The following FILIP1 variants were observed in gnomAD, a reference collection of about 807,000 sequenced individuals.
FILIP1 encodes filamin-A-interacting protein 1.
FILIP1 carries 61 observed loss-of-function variants against 102.1 expected under a neutral mutation model. That is an observed-to-expected ratio of 0.60 (90% CI 0.49 to 0.74). The LOEUF is 0.74. Among genes scored for constraint, FILIP1 ranks in the 30% least tolerant of loss-of-function variants. FILIP1 has a pLI of 0.00. For missense variants in FILIP1, 1,314 were observed against 1,441.2 expected (o/e 0.91, Z 1.43); for synonymous variants, 491 against 526.9 (o/e 0.93, Z 0.93).
intron 1 of FILIP1, among the ~76,000 whole-genome samples, chr6:75,419,492 T>C (rs1777381113): frequency 2.0e-5 from 3 of 152,122 alleles, no homozygotes; most frequent in Non-Finnish European, 4.4e-5. Flanking sequence ...TTTAAAATTA[T>C]AGAATTATGA....
chr6:75,441,555 G>A (rs1489547087), intron 1 of FILIP1, among the ~76,000 whole-genome samples: 2 of 151,530 alleles, frequency 1.3e-5, no homozygotes, highest in African/African-American at 4.8e-5. Context: ...CAGTAGGGGC[G>A]GCCGGGCAGA....
At chr6:75,308,079 TG>T (rs1773045928), downstream of FILIP1, 1 of 985,842 alleles carries the variant, frequency 1.0e-6, no homozygotes, top group African/African-American at 1.7e-5. Flanking sequence ...AGTAAAACTC[TG>T]TTCTTAGGAT....
chr6:75,450,375 G>A (rs2149734185), intron 1 of FILIP1, among the ~76,000 whole-genome samples: 1 of 152,266 alleles, frequency 6.6e-6, no homozygotes, highest in South Asian at 2.1e-4. Flanking sequence ...GAGGCCAAGT[G>A]AAGTGTCTCG....
At chr6:75,437,920 CGTTAT>C (rs1174481980) in intron 1 of FILIP1, among the ~76,000 whole-genome samples, 1 of 152,048 alleles carries the variant, frequency 6.6e-6, no homozygotes, top group Non-Finnish European at 1.5e-5. Context: ...CATAGGAGTA[CGTTAT>C]AAGATTTCAT....
chr6:75,469,167 T>C (rs1231151700), intron 1 of FILIP1, among the ~76,000 whole-genome samples: 1 of 152,008 alleles, frequency 6.6e-6, no homozygotes, highest in Non-Finnish European at 1.5e-5. Context: ...AGTAACAATG[T>C]AGAATAAACT....
intron 2 of FILIP1, among the ~76,000 whole-genome samples, chr6:75,407,196 C>T (rs1776888610): frequency 6.6e-6 from 1 of 152,056 alleles, no homozygotes; most frequent in Non-Finnish European, 1.5e-5. Flanking sequence ...AAGTTTCTAA[C>T]AATCCACAGA....
chr6:75,408,070 G>T (rs79049128), intron 2 of FILIP1, among the ~76,000 whole-genome samples: 1 of 152,130 alleles, frequency 6.6e-6, no homozygotes, highest in Admixed American at 6.6e-5. Flanking sequence ...ATGATGGGCC[G>T]GGGTACTATT....
intron 4 of FILIP1, among the ~76,000 whole-genome samples, chr6:75,329,689 T>G (rs1394819856): frequency 6.6e-6 from 1 of 152,186 alleles, no homozygotes; most frequent in East Asian, 1.9e-4. Context: ...GAGTACAGTA[T>G]AGAGCTAAGC....
chr6:75,450,586 CT>C (rs1462820583), intron 1 of FILIP1, among the ~76,000 whole-genome samples: 6 of 149,814 alleles, frequency 4.0e-5, no homozygotes, highest in African/African-American at 1.5e-4. Flanking sequence ...GAGTTTCAGG[CT>C]GCAGTGAAAT....
intron 2 of FILIP1, among the ~76,000 whole-genome samples, chr6:75,385,310 T>C (rs1485354718): frequency 6.6e-6 from 1 of 152,170 alleles, no homozygotes; most frequent in Non-Finnish European, 1.5e-5. Flanking sequence ...TTTTAAAACA[T>C]GAAATGAGCA....
chr6:75,363,786 T>C (rs1207992151), intron 2 of FILIP1, among the ~76,000 whole-genome samples: 1 of 152,190 alleles, frequency 6.6e-6, no homozygotes, highest in Non-Finnish European at 1.5e-5. Flanking sequence ...TTGGAGCTAT[T>C]TTTCCAGTAA....
At chr6:75,381,522 C>G (rs1304453532) in intron 2 of FILIP1, among the ~76,000 whole-genome samples, 1 of 151,830 alleles carries the variant, frequency 6.6e-6, no homozygotes, top group Non-Finnish European at 1.5e-5. Flanking sequence ...GTCACCATGT[C>G]TGGCCTACAA....
At chr6:75,413,633 T>A (rs1389961868) in intron 2 of FILIP1, among the ~76,000 whole-genome samples, 1 of 152,022 alleles carries the variant, frequency 6.6e-6, no homozygotes, top group Non-Finnish European at 1.5e-5. Context: ...ACAGCACCCA[T>A]AAGCCAACAA....
At chr6:75,486,397 G>A (rs1325386662) in intron 1 of FILIP1, among the ~76,000 whole-genome samples, 2 of 152,138 alleles carry the variant, frequency 1.3e-5, no homozygotes, top group Non-Finnish European at 2.9e-5. Context: ...TGAAGCTTCT[G>A]ATTCCACTTT....
At chr6:75,372,669 G>GAA (rs1268790231) in intron 2 of FILIP1, among the ~76,000 whole-genome samples, 1 of 57,082 alleles carries the variant, frequency 1.8e-5, no homozygotes, top group Non-Finnish European at 3.3e-5. Flanking sequence ...AAGAAAGAAA[G>GAA]AAAGAAAGAA....
At chr6:75,456,546 G>A (rs2998364) in intron 1 of FILIP1, among the ~76,000 whole-genome samples, 104,328 of 150,758 alleles carry the variant, frequency 0.69, 36,921 homozygotes, top group African/African-American at 0.84. Flanking sequence ...TCATACAAAA[G>A]AGTATTCTTT....
At chr6:75,487,695 C>T (rs1779833242) in intron 1 of FILIP1, among the ~76,000 whole-genome samples, 1 of 151,704 alleles carries the variant, frequency 6.6e-6, no homozygotes, top group Non-Finnish European at 1.5e-5. Flanking sequence ...AAATCTTCAG[C>T]CAATTATTTT....
In FILIP1 at chr6:75,353,708, G is replaced by C. The variant is rs375660630; in HGVS notation, c.460C>G (p.Leu154Val). 6.2e-7 allele frequency: 1 copy of C among 1,613,378 alleles called. No homozygotes were observed. The highest frequency in any genetic ancestry group is 8.5e-7 in the Non-Finnish European group (1 of 1,180,010). The change falls in exon 4 of 6, where the codon CTT becomes GTT. Residue 154 changes from leucine to valine, a missense_variant. Around this residue, in one of 3 missense-constraint regions of FILIP1, gnomAD observed 494 missense variants for 511.2 expected, o/e 0.97. Transcript: ENST00000237172. Reference protein sequence around the residue: ...YEKPISELDRLEEKQKETYRR... With the variant: ...YEKPISELDRVEEKQKETYRR... ...TAGGTTTCTTTCTGTTTTTCCTCAA[G>C]TCTGTCCAGCTGAATAAGCAAACAT...
chr6:75,438,644 A>G (rs1778103497), intron 1 of FILIP1, among the ~76,000 whole-genome samples: 1 of 152,170 alleles, frequency 6.6e-6, no homozygotes, highest in African/African-American at 2.4e-5. Flanking sequence ...TAAAAAAAAA[A>G]GGCAGCATAT....
Sources: allele counts gnomAD v4.1 joint callset (sites outside exome capture counted in the v4.1 genomes callset), GRCh38; gene constraint gnomAD v4.1.1; regional missense constraint gnomAD v4.1.1; transcripts MANE v1.5; gene names NCBI Gene and HGNC (gene_info 2026-07-23, HGNC 2026-07-21).